AGAP1: variants seen among roughly 807,000 people sequenced by gnomAD.
AGAP1 encodes the protein arf-GAP with GTPase, ANK repeat and PH domain-containing protein 1.
Under a neutral mutation model 105.3 loss-of-function variants are expected in AGAP1, and 29 were observed. That is an observed-to-expected ratio of 0.28 (90% CI 0.21 to 0.38). AGAP1 has a LOEUF of 0.38. Ranked by LOEUF, AGAP1 falls within the 10% of genes least tolerant of loss-of-function variation. AGAP1 has a pLI of 1.00. For synonymous variants in AGAP1, 509 were observed against 485.9 expected, an observed-to-expected ratio of 1.05 and a Z score of -0.63; for missense variants, 998 against 1,165.1, an observed-to-expected ratio of 0.86 and a Z score of 2.09.
At position 235,961,957 on chromosome 2, in the gene AGAP1, G is replaced by A. The variant is rs776428077; in HGVS notation, c.1484-6505G>A. Reference sequence around the variant, plus strand: ...GGGTGAGCATCCATTTCCCAGGGGAGGGGCCCCGCGCCCATGGAGACTGCT... The same window carrying A: ...GGGTGAGCATCCATTTCCCAGGGGAAGGGCCCCGCGCCCATGGAGACTGCT... On this transcript the variant is annotated intron_variant, in intron 12 of 17. Transcript: ENST00000304032. This position sits in a 1 kb window ranked among gnomAD's most constrained non-coding sequence, Gnocchi z 5.9. Among the ~76,000 whole-genome samples the A allele has an allele frequency of 2.6e-5, 4 of 152,244 alleles. No homozygotes were observed. Among genetic ancestry groups the A allele is most frequent in the Non-Finnish European group, 4.4e-5 (3 of 68,044 alleles).
intron 6 of AGAP1, among the ~76,000 whole-genome samples, chr2:235,755,376 T>G (rs956558076): frequency 2.6e-5 from 4 of 152,228 alleles, no homozygotes; most frequent in Admixed American, 2.0e-4. Context: ...TACATGAACA[T>G]GAAGGATTAC....
At chr2:235,666,338 T>G (rs1948126780) in intron 1 of AGAP1, among the ~76,000 whole-genome samples, 1 of 152,196 alleles carries the variant, frequency 6.6e-6, no homozygotes, top group Non-Finnish European at 1.5e-5. Flanking sequence ...TTGTGATTTT[T>G]TTTTCCTCTT....
rs184851068 is a variant in AGAP1, at chr2:235,824,777, A to G, written c.1050+17446A>G. On this transcript the variant is annotated intron_variant, in intron 9 of 17. Transcript: ENST00000304032. The surrounding 1 kb of genome is among the most constrained non-coding windows in gnomAD (Gnocchi z 5.2). ...TCTTTCGCGGTACCAAGAAATGCTC[A>G]ACCTAAAACACAACTGTGTTTTTCT... Among the ~76,000 whole-genome samples, 1 of 152,322 alleles carries G rather than the reference A, an allele frequency of 6.6e-6. No individual in the cohort carries two copies. The highest frequency in any genetic ancestry group is 1.9e-4 in the East Asian group (1 of 5,182).
At position 235,981,808 on chromosome 2, in the gene AGAP1, G is replaced by A. The variant is rs2055110197; in HGVS notation, c.1645+13185G>A. Among the ~76,000 whole-genome samples the A allele has an allele frequency of 1.3e-5, 2 of 152,164 alleles. No homozygotes were observed. Among genetic ancestry groups the A allele is most frequent in the South Asian group, 4.1e-4 (2 of 4,826 alleles). On this transcript the variant is annotated intron_variant, in intron 13 of 17. Transcript: ENST00000304032. This position sits in a 1 kb window ranked among gnomAD's most constrained non-coding sequence, Gnocchi z 5.5. ...CGTAGAAAGCAGCGATAGGGCCACC[G>A]ATCCAGGCGAGGGCAGCAGTGCTCG...
At position 235,712,817 on chromosome 2, in the gene AGAP1, AT is replaced by A. The variant is rs1163628285; in HGVS notation, c.222+3583del. Among the ~76,000 whole-genome samples the A allele has an allele frequency of 2.6e-5, 4 of 152,038 alleles. No homozygotes were observed. The highest frequency in any genetic ancestry group is 9.7e-5 in the African/African-American group (4 of 41,376). The stretch of plus-strand genomic sequence containing the variant: ...TAGCTCTTTGGCTCGCTCTGGATTG[AT>A]TTCCTCCGTCTTGGTTTACTTCCAG... On this transcript the variant is annotated intron_variant, in intron 2 of 17. Coordinates refer to ENST00000304032, the MANE Select transcript of AGAP1 (RefSeq NM_001037131.3). The surrounding 1 kb of genome is among the most constrained non-coding windows in gnomAD (Gnocchi z 6.0).
intron 12 of AGAP1, among the ~76,000 whole-genome samples, chr2:235,944,802 G>T (rs1283325877): frequency 6.6e-6 from 1 of 152,132 alleles, no homozygotes. Flanking sequence ...AGGCGGGTCA[G>T]GCCCCCAGAT....
chr2:235,730,963 T>A (rs2149608388), intron 3 of AGAP1, among the ~76,000 whole-genome samples: 1 of 152,254 alleles, frequency 6.6e-6, no homozygotes, highest in Middle Eastern at 3.4e-3. Context: ...GCCTGCAGCT[T>A]ACCCCCAACC....
chr2:235,523,682 C>A (rs761868876), intron 1 of AGAP1, among the ~76,000 whole-genome samples: 5 of 152,136 alleles, frequency 3.3e-5, no homozygotes, highest in African/African-American at 4.8e-5. Flanking sequence ...TGGGTGTCTG[C>A]AGGGGAGGCT....
At chr2:235,999,308 A>G (rs75277673) in intron 13 of AGAP1, among the ~76,000 whole-genome samples, 1,444 of 30,108 alleles carry the variant, frequency 0.048, 36 homozygotes, top group African/African-American at 0.1. Flanking sequence ...GGTGATGGTG[A>G]TGGTGGTGGT....
Position 235,566,847 on chromosome 2 carries a change from T to C in AGAP1, c.163+71998T>C, listed in dbSNP as rs1320802209. On this transcript the variant is annotated intron_variant, in intron 1 of 17. Transcript: ENST00000304032. This position sits in a 1 kb window ranked among gnomAD's most constrained non-coding sequence, Gnocchi z 5.2. ...CAACAGAACATCATTCTTTTACAGT[T>C]CTGGAGGCCTGAAGCCCAGGATCAA... Among the ~76,000 whole-genome samples the C allele has an allele frequency of 6.6e-6, 1 of 152,190 alleles. No individual in the cohort carries two copies. The highest frequency in any genetic ancestry group is 1.5e-5 in the Non-Finnish European group (1 of 68,022).
intron 9 of AGAP1, among the ~76,000 whole-genome samples, chr2:235,857,871 G>T (rs191574100): frequency 2.0e-5 from 3 of 152,304 alleles, no homozygotes; most frequent in Non-Finnish European, 4.4e-5. Flanking sequence ...GCAGAAGCAG[G>T]CCTATCGCCC....
intron 1 of AGAP1, among the ~76,000 whole-genome samples, chr2:235,588,075 C>CAAAATA (rs1299981677): frequency 6.6e-6 from 1 of 151,870 alleles, no homozygotes; most frequent in African/African-American, 2.4e-5. Context: ...ACTAAAAATA[C>CAAAATA]AAAAATCAGT....
rs34386154 is a variant in AGAP1, at chr2:235,594,883, GTTT to G, written c.163+100055_163+100057del. 5.9e-3 allele frequency among the ~76,000 whole-genome samples: 645 copies of G among 109,894 alleles called. 3 individuals carry two copies. Among genetic ancestry groups the G allele is most frequent in the African/African-American group, 0.02 (545 of 27,260 alleles). The allele number at this position is 109,894 out of a possible 152,430, so 72.1% of individuals were successfully genotyped here. ...GCCACTGCGCCCGGCCCAGATTGCT[GTTT>G]TTTTTTTTTTTTTTTTTTTTATGAT... On this transcript the variant is annotated intron_variant, in intron 1 of 17. Coordinates refer to ENST00000304032, the MANE Select transcript of AGAP1 (RefSeq NM_001037131.3).
intron 9 of AGAP1, chr2:235,853,031 G>T: frequency 8.0e-7 from 1 of 1,244,456 alleles, no homozygotes; most frequent in Non-Finnish European, 1.0e-6. Context: ...ACTCACAAAA[G>T]ACCCCTTAAT....
intron 9 of AGAP1, among the ~76,000 whole-genome samples, chr2:235,810,365 G>A (rs754889742): frequency 6.6e-6 from 1 of 152,112 alleles, no homozygotes; most frequent in African/African-American, 2.4e-5. Context: ...CTGCATGATC[G>A]AAGCCTCACA....
chr2:236,039,890 T>TC lies in AGAP1; in HGVS notation c.1801-857dup, dbSNP rs773073252. 1.1e-4 allele frequency among the ~76,000 whole-genome samples: 17 copies of TC among 152,270 alleles called. No individual in the cohort carries two copies. In the East Asian group the frequency reaches 3.3e-3, roughly 29 times the overall value. ...TTGTTTATTAATTTTATGTTCTTTT[T>TC]CCCCTCTCTGTATTTTCTAAACTTG... is the stretch of plus-strand genomic sequence containing the variant. On this transcript the variant is annotated intron_variant, in intron 14 of 17. Transcript: ENST00000304032.
chr2:236,110,028 C>T (rs2059603384), intron 16 of AGAP1, among the ~76,000 whole-genome samples: 1 of 152,182 alleles, frequency 6.6e-6, no homozygotes, highest in Non-Finnish European at 1.5e-5. Flanking sequence ...ATTTGGGAGG[C>T]ATCAGATCCC....
rs1184005343 is a variant in AGAP1, at chr2:236,001,931, T to G, written c.1645+33308T>G. ...CCTGAACATCATTGCACATACATTCTGAAGCGCTCACGCTTTGTTCCTGTG... is the reference window on the plus strand; with the variant it reads ...CCTGAACATCATTGCACATACATTCGGAAGCGCTCACGCTTTGTTCCTGTG... On this transcript the variant is annotated intron_variant, in intron 13 of 17. Coordinates refer to ENST00000304032, the MANE Select transcript of AGAP1 (RefSeq NM_001037131.3). This position sits in a 1 kb window ranked among gnomAD's most constrained non-coding sequence, Gnocchi z 4.7. Among the ~76,000 whole-genome samples, 2 of 152,200 alleles carry G rather than the reference T, an allele frequency of 1.3e-5. No homozygotes were observed. Among genetic ancestry groups the G allele is most frequent in the Admixed American group, 1.3e-4 (2 of 15,282 alleles).
intron 13 of AGAP1, among the ~76,000 whole-genome samples, chr2:236,024,029 T>TTTTG (rs1553548228): frequency 8.8e-6 from 1 of 114,086 alleles, no homozygotes; most frequent in African/African-American, 4.2e-5. Context: ...TTGTTTTTTT[T>TTTTG]TTTTGTTTTT....
Sources: allele counts gnomAD v4.1 joint callset (sites outside exome capture counted in the v4.1 genomes callset), GRCh38; gene constraint gnomAD v4.1.1; non-coding constraint Gnocchi (gnomAD v3.1); transcripts MANE v1.5; gene names NCBI Gene and HGNC (gene_info 2026-07-23, HGNC 2026-07-21).